The following IFT25 variants were observed in gnomAD, a reference collection of about 807,000 sequenced individuals.
The protein encoded by IFT25 is intraflagellar transport 25, also known as intraflagellar transport protein 25 homolog.
the IFT25 span, chr1:53,921,648 T>C: frequency 6.5e-7 from 1 of 1,536,434 alleles, no homozygotes; most frequent in Non-Finnish European, 9.0e-7. Context: ...CATTTTGTTA[T>C]CATTATGAGG....
chr1:53,913,793 C>T, the IFT25 span, among the ~76,000 whole-genome samples: 1 of 152,092 alleles, frequency 6.6e-6, no homozygotes, highest in East Asian at 1.9e-4. Context: ...GGAATAGTGT[C>T]CCTTAAGAGA....
chr1:53,935,750 G>A, the IFT25 span, among the ~76,000 whole-genome samples: 10 of 151,978 alleles, frequency 6.6e-5, no homozygotes, highest in African/African-American at 2.2e-4. Flanking sequence ...TGGGATTATA[G>A]GTGTGAACCA....
chr1:53,942,269 G>T, the IFT25 span, among the ~76,000 whole-genome samples: 2 of 152,096 alleles, frequency 1.3e-5, no homozygotes, highest in Non-Finnish European at 2.9e-5. Context: ...CTAAATCAGG[G>T]GTTAGCAAAC....
the IFT25 span, among the ~76,000 whole-genome samples, chr1:53,938,037 T>C: frequency 3.3e-5 from 5 of 152,242 alleles, no homozygotes; most frequent in Non-Finnish European, 7.3e-5. Flanking sequence ...GTCAGTTGAT[T>C]CTGCCTCTTG....
chr1:53,928,325 T>C, the IFT25 span: 1 of 1,396,092 alleles, frequency 7.2e-7, no homozygotes, highest in East Asian at 2.3e-5. Flanking sequence ...ATCAAAGGAA[T>C]ATTATCTACT....
the IFT25 span, among the ~76,000 whole-genome samples, chr1:53,924,298 G>A: frequency 1.3e-5 from 2 of 152,024 alleles, no homozygotes; most frequent in African/African-American, 4.8e-5. Flanking sequence ...GTGAACATTT[G>A]AGGATCCAGC....
At chr1:53,929,412 G>A in the IFT25 span, 7 of 152,160 alleles carry the variant, frequency 4.6e-5, no homozygotes, top group African/African-American at 1.7e-4. Flanking sequence ...CCTTAACCCA[G>A]GCCATAATTT....
the IFT25 span, among the ~76,000 whole-genome samples, chr1:53,943,836 G>C: frequency 6.6e-6 from 1 of 152,102 alleles, no homozygotes; most frequent in Admixed American, 6.6e-5. Flanking sequence ...TGCCCAGTCT[G>C]GTCTCTAACT....
At chr1:53,943,048 C>A in the IFT25 span, among the ~76,000 whole-genome samples, 1 of 152,162 alleles carries the variant, frequency 6.6e-6, no homozygotes, top group South Asian at 2.1e-4. Context: ...CTCAGTGGTG[C>A]TCACAAATGG....
At chr1:53,924,304 C>T in the IFT25 span, among the ~76,000 whole-genome samples, 2 of 152,076 alleles carry the variant, frequency 1.3e-5, no homozygotes, top group Non-Finnish European at 2.9e-5. Flanking sequence ...ATTTGAGGAT[C>T]CAGCTACTAA....
chr1:53,943,625 A>C, the IFT25 span, among the ~76,000 whole-genome samples: 1 of 151,908 alleles, frequency 6.6e-6, no homozygotes, highest in Non-Finnish European at 1.5e-5. Context: ...ATGTAGGGAG[A>C]GAACTTTTTT....
At chr1:53,919,521 C>T in the IFT25 span, among the ~76,000 whole-genome samples, 1 of 152,164 alleles carries the variant, frequency 6.6e-6, no homozygotes, top group Non-Finnish European at 1.5e-5. Flanking sequence ...TGCCAGCTGA[C>T]CACAGATACA....
At chr1:53,918,872 C>T in the IFT25 span, among the ~76,000 whole-genome samples, 1 of 152,108 alleles carries the variant, frequency 6.6e-6, no homozygotes, top group Non-Finnish European at 1.5e-5. Context: ...TAGTTTCACT[C>T]TTGTTGTCCA....
the IFT25 span, among the ~76,000 whole-genome samples, chr1:53,918,245 T>C: frequency 2.0e-5 from 3 of 152,320 alleles, no homozygotes; most frequent in African/African-American, 7.2e-5. Flanking sequence ...TACTTTAAAG[T>C]ATATCAGTGA....
the IFT25 span, among the ~76,000 whole-genome samples, chr1:53,922,010 G>A: frequency 6.6e-6 from 1 of 152,328 alleles, no homozygotes; most frequent in South Asian, 2.1e-4. Context: ...GTCTCACCGT[G>A]TTGCCCAGGC....
At chr1:53,913,891 G>A in the IFT25 span, among the ~76,000 whole-genome samples, 1 of 152,142 alleles carries the variant, frequency 6.6e-6, no homozygotes, top group African/African-American at 2.4e-5. Context: ...AGGAAGAAAG[G>A]GTTCACCAGA....
At chr1:53,931,404 T>C in the IFT25 span, among the ~76,000 whole-genome samples, 1 of 152,216 alleles carries the variant, frequency 6.6e-6, no homozygotes, top group Admixed American at 6.5e-5. Flanking sequence ...TTTTCTTTCT[T>C]GTCATGTCTT....
At chr1:53,931,106 T>C in the IFT25 span, among the ~76,000 whole-genome samples, 2 of 152,318 alleles carry the variant, frequency 1.3e-5, no homozygotes, top group South Asian at 2.1e-4. Context: ...AGACAATCCC[T>C]ACCTCCCTTA....
the IFT25 span, chr1:53,921,454 G>A: frequency 1.9e-6 from 1 of 523,914 alleles, no homozygotes; most frequent in Non-Finnish European, 3.4e-6. Context: ...ATATACTGAA[G>A]CCAAACCTTT....
Sources: allele counts gnomAD v4.1 joint callset (sites outside exome capture counted in the v4.1 genomes callset), GRCh38; gene constraint gnomAD v4.1.1; transcripts MANE v1.5; gene names NCBI Gene and HGNC (gene_info 2026-07-23, HGNC 2026-07-21).